The following PECR variants were observed in gnomAD, a reference collection of about 807,000 sequenced individuals.
The protein encoded by PECR is 2,4-dienoyl-CoA reductase-related protein.
A neutral mutation model predicts 35.3 loss-of-function variants in PECR; 30 were observed. The ratio of observed to expected loss-of-function variants is 0.85; its 90% CI spans 0.64 to 1.15. PECR has a LOEUF of 1.15. Ranked by LOEUF, PECR falls within the 50% of genes most tolerant of loss-of-function variation. The pLI, the probability that PECR is intolerant of heterozygous loss-of-function variation, is 0.00. For synonymous variants in PECR, 148 were observed against 138.9 expected (o/e 1.07, Z -0.46); for missense variants, 392 against 370.8 (o/e 1.06, Z -0.47).
intron 3 of PECR, 43 bp downstream of exon 3, chr2:216,065,269 C>CTT (rs768388280): frequency 7.2e-7 from 1 of 1,388,872 alleles, no homozygotes; most frequent in Non-Finnish European, 1.0e-6. Flanking sequence ...CCTGAGATCT[C>CTT]TAAATAAAGA....
At chr2:216,053,213 C>A (rs1048152121) in intron 4 of PECR, among the ~76,000 whole-genome samples, 11 of 151,280 alleles carry the variant, frequency 7.3e-5, no homozygotes, top group African/African-American at 2.7e-4. Context: ...ACCAGAAGTG[C>A]TTTGGATTTC....
chr2:216,042,851 G>T (rs1694910750), intron 7 of PECR, among the ~76,000 whole-genome samples: 1 of 151,144 alleles, frequency 6.6e-6, no homozygotes, highest in Non-Finnish European at 1.5e-5. Context: ...CCGCCTCCTG[G>T]GTTTACGTGA....
chr2:216,078,331 G>A (rs1695753927), intron 1 of PECR, among the ~76,000 whole-genome samples: 1 of 152,042 alleles, frequency 6.6e-6, no homozygotes, highest in African/African-American at 2.4e-5. Flanking sequence ...AAAAAATAAA[G>A]AGGAAAAAGT....
Position 216,069,318 on chromosome 2 carries a change from G to T in PECR, c.125-2800C>A, listed in dbSNP as rs150176243. ...TCTTCAGTTCAGAAGAGCTCAGACA[G>T]CAAATAATATAGCTGTGTCACCTCC... is the stretch of plus-strand genomic sequence containing the variant. On this transcript the variant is annotated intron_variant, in intron 1 of 7. Coordinates refer to ENST00000265322, the MANE Select transcript of PECR (RefSeq NM_018441.6). Among the ~76,000 whole-genome samples, 4 of 152,306 alleles carry T rather than the reference G, an allele frequency of 2.6e-5. No individual in the cohort carries two copies. The East Asian group carries it at 7.7e-4, about 29-fold the overall frequency.
chr2:216,051,532 C>T lies in PECR; in HGVS notation c.520G>A (p.Ala174Thr), dbSNP rs1007416362. 2.3e-5 allele frequency: 37 copies of T among 1,607,754 alleles called. No homozygotes were observed. The highest frequency in any genetic ancestry group is 2.5e-5 in the Non-Finnish European group (29 of 1,174,248). The part of the protein sequence containing the change: ...GFPLAVHSGA[A>T]RAGVYNLTKS... ...GTGAGGTTGTAAACACCTGCTCTTG[C>T]AGCTCCAGAATGCCTTTGAAAGACA... Residue 174 changes from alanine to threonine, a missense_variant, in exon 5 of 8, where the codon GCA (alanine) becomes ACA (threonine). By Grantham distance (58) the Ala-to-Thr change is moderately conservative. Coordinates refer to ENST00000265322, the MANE Select transcript of PECR (RefSeq NM_018441.6).
intron 4 of PECR, among the ~76,000 whole-genome samples, chr2:216,054,509 T>G (rs1250068192): frequency 6.6e-6 from 1 of 151,424 alleles, no homozygotes; most frequent in Non-Finnish European, 1.5e-5. Context: ...CTAAATTTTG[T>G]ATTTTTAGTA....
intron 6 of PECR, among the ~76,000 whole-genome samples, chr2:216,047,261 G>GAAAA (rs11396724): frequency 7.0e-6 from 1 of 142,394 alleles, no homozygotes; most frequent in Non-Finnish European, 1.5e-5. Flanking sequence ...TTCGTCTCAG[G>GAAAA]AAAAAAAAAA....
In PECR at chr2:216,055,987, CAT is replaced by C. The variant is rs556514827; in HGVS notation, c.506+2906_506+2907del. Among the ~76,000 whole-genome samples, 127 of 152,290 alleles carry C rather than the reference CAT, an allele frequency of 8.3e-4. 2 individuals carry two copies. Among genetic ancestry groups the C allele is most frequent in the African/African-American group, 3.0e-3 (124 of 41,542 alleles). ...ACCAAACTCGAGTTCACCTTTGAGA[CAT>C]GTCGCCTGGATGCTGCCCTCCTCTG... is the stretch of plus-strand genomic sequence containing the variant. On this transcript the variant is annotated intron_variant, in intron 4 of 7. Transcript: ENST00000265322.
At chr2:216,065,562 G>T in intron 2 of PECR, 85 bp from the exon 3 acceptor site, 1 of 816,650 alleles carries the variant, frequency 1.2e-6, no homozygotes, top group Non-Finnish European at 2.1e-6. Flanking sequence ...TCTAGACAGA[G>T]TTTGCAATCT....
intron 1 of PECR, among the ~76,000 whole-genome samples, chr2:216,075,200 G>A (rs192832585): frequency 2.4e-4 from 36 of 152,210 alleles, no homozygotes; most frequent in Admixed American, 3.9e-4. Flanking sequence ...ACAGGAGTTC[G>A]AGGCTGCAGT....
At chr2:216,045,562 G>A (rs887897351) in intron 6 of PECR, among the ~76,000 whole-genome samples, 1 of 152,118 alleles carries the variant, frequency 6.6e-6, no homozygotes, top group Non-Finnish European at 1.5e-5. Flanking sequence ...ACTTTATGTG[G>A]CTCCTGGTAA....
At chr2:216,048,716 T>C (rs1263017129) in intron 6 of PECR, among the ~76,000 whole-genome samples, 1 of 151,586 alleles carries the variant, frequency 6.6e-6, no homozygotes, top group East Asian at 1.9e-4. Flanking sequence ...AAAAAAGTCA[T>C]CGTCTTCATC....
intron 7 of PECR, among the ~76,000 whole-genome samples, chr2:216,040,477 T>C (rs7557590): frequency 0.14 from 21,100 of 152,066 alleles, 1,823 homozygotes; most frequent in South Asian, 0.23. Flanking sequence ...TGGTCTTGAA[T>C]TCCTGGGATC....
At chr2:216,050,027 G>A (rs1267887822) in intron 5 of PECR, among the ~76,000 whole-genome samples, 5 of 152,050 alleles carry the variant, frequency 3.3e-5, no homozygotes, top group Admixed American at 3.3e-4. Context: ...AGACCAGCCT[G>A]GGCAAAATAG....
rs534897705 is a variant in PECR at position 216,042,901 on chromosome 2, T to G, written c.826+1003A>C. Among the ~76,000 whole-genome samples, 52 of 132,884 alleles carry G rather than the reference T, an allele frequency of 3.9e-4. No individual in the cohort carries two copies. The Middle Eastern group carries it at 0.015, about 39-fold the overall frequency. 87.2% of individuals were successfully genotyped at this position (132,884 alleles called of 152,430 possible). On this transcript the variant is annotated intron_variant, in intron 7 of 7. Coordinates refer to ENST00000265322, the MANE Select transcript of PECR (RefSeq NM_018441.6). ...CCTCCCAAGTAGCTGAGACTACAGG[T>G]GCCCGCCACCACACCCGACTAACTG...
At chr2:216,061,029 A>T (rs962377642) in intron 3 of PECR, among the ~76,000 whole-genome samples, 2 of 150,798 alleles carry the variant, frequency 1.3e-5, no homozygotes, top group Non-Finnish European at 2.9e-5. Context: ...GCAGTGCCTC[A>T]CACCTATATC....
At chr2:216,077,259 C>A (rs921379273) in intron 1 of PECR, among the ~76,000 whole-genome samples, 7 of 152,100 alleles carry the variant, frequency 4.6e-5, no homozygotes, top group East Asian at 3.9e-4. Flanking sequence ...GTAATCCCAG[C>A]ACTTTGGGAG....
intron 7 of PECR, among the ~76,000 whole-genome samples, chr2:216,029,094 A>T (rs2105933313): frequency 6.6e-6 from 1 of 152,180 alleles, no homozygotes; most frequent in East Asian, 1.9e-4. Flanking sequence ...AAAAGATGTT[A>T]TATTCATCTT....
At chr2:216,077,751 G>A (rs1317382134) in intron 1 of PECR, among the ~76,000 whole-genome samples, 5 of 148,482 alleles carry the variant, frequency 3.4e-5, no homozygotes, top group African/African-American at 7.5e-5. Context: ...AGGTTGCAGT[G>A]AGCCAAGATC....
Sources: allele counts gnomAD v4.1 joint callset (sites outside exome capture counted in the v4.1 genomes callset), GRCh38; gene constraint gnomAD v4.1.1; transcripts MANE v1.5; gene names NCBI Gene and HGNC (gene_info 2026-07-23, HGNC 2026-07-21).